The following TCF12 variants were observed in gnomAD, a reference collection of about 807,000 sequenced individuals.
The protein encoded by TCF12 is transcription factor 12, also known as DNA-binding protein HTF4.
TCF12 carries 45 observed loss-of-function variants against 86.0 expected under a neutral mutation model. The ratio of observed to expected loss-of-function variants is 0.52; its 90% CI spans 0.41 to 0.67. The LOEUF is 0.67. Ranked by LOEUF, TCF12 falls within the 30% of genes least tolerant of loss-of-function variation. TCF12 has a pLI of 0.00. For missense variants in TCF12, 881 were observed against 859.9 expected, an observed-to-expected ratio of 1.02 and a Z score of -0.31; for synonymous variants, 330 against 299.6, an observed-to-expected ratio of 1.10 and a Z score of -1.05.
chr15:57,211,720 G>A (rs978700730), intron 8 of TCF12, among the ~76,000 whole-genome samples: 5 of 152,168 alleles, frequency 3.3e-5, no homozygotes, highest in African/African-American at 9.7e-5. Context: ...TTGGGAAGTC[G>A]AGGCTGGCAG....
intron 5 of TCF12, among the ~76,000 whole-genome samples, chr15:57,124,094 T>C (rs1475196327): frequency 6.6e-6 from 1 of 151,752 alleles, no homozygotes; most frequent in African/African-American, 2.4e-5. Flanking sequence ...GGATTATAGA[T>C]GTGAGCCACT....
intron 3 of TCF12, among the ~76,000 whole-genome samples, chr15:57,018,520 T>C (rs979928361): frequency 1.3e-5 from 2 of 152,046 alleles, no homozygotes; most frequent in Non-Finnish European, 2.9e-5. Flanking sequence ...TGGAGTGCAG[T>C]GGCAAGATCT....
chr15:57,052,385 C>G (rs1596309074), intron 3 of TCF12, among the ~76,000 whole-genome samples: 1 of 152,124 alleles, frequency 6.6e-6, no homozygotes, highest in Non-Finnish European at 1.5e-5. Flanking sequence ...TGGTGGCAGT[C>G]TCAGCACTTT....
chr15:57,109,621 AT>A (rs2050357022), intron 5 of TCF12, among the ~76,000 whole-genome samples: 4 of 152,146 alleles, frequency 2.6e-5, no homozygotes, highest in Non-Finnish European at 5.9e-5. Context: ...AGTTCAGATT[AT>A]TTATCTTAAC....
In TCF12 at chr15:57,166,411, CAG is replaced by C. The variant is rs750864186; in HGVS notation, c.342_343del (p.Gly115LeufsTer17). ...TTTCTTTGTTTTATAGGAAAAACAT[CAG>C]AGAGAGGCTCATTTTCCCTGTACAG... On this transcript the variant is annotated frameshift_variant, in exon 6 of 21. Transcript: ENST00000333725. LOFTEE classifies it high-confidence loss of function. The C allele has an allele frequency of 1.2e-6, 2 of 1,611,374 alleles. No individual in the cohort carries two copies. Among genetic ancestry groups the C allele is most frequent in the Non-Finnish European group, 1.7e-6 (2 of 1,178,926 alleles).
chr15:56,959,736 A>G (rs895924283), intron 3 of TCF12, among the ~76,000 whole-genome samples: 31 of 152,326 alleles, frequency 2.0e-4, no homozygotes, highest in African/African-American at 7.5e-4. Context: ...ACATTCGGAT[A>G]TCAAATGCTT....
intron 3 of TCF12, among the ~76,000 whole-genome samples, chr15:56,926,155 T>A (rs1017414610): frequency 1.3e-5 from 2 of 152,038 alleles, no homozygotes; most frequent in Non-Finnish European, 2.9e-5. Flanking sequence ...CTACCAAAAA[T>A]ACACAGAATT....
chr15:57,203,318 T>C (rs2057648775), intron 8 of TCF12, among the ~76,000 whole-genome samples: 1 of 152,238 alleles, frequency 6.6e-6, no homozygotes, highest in African/African-American at 2.4e-5. Flanking sequence ...GAAGCATTTC[T>C]CAGATGCAGA....
At chr15:57,023,347 T>A (rs1222881729) in intron 3 of TCF12, among the ~76,000 whole-genome samples, 1 of 152,194 alleles carries the variant, frequency 6.6e-6, no homozygotes, top group African/African-American at 2.4e-5. Context: ...GGAAGTGGTA[T>A]TTTCAGTTTT....
Position 57,187,143 on chromosome 15 carries a change from C to T in TCF12, c.391-5015C>T, listed in dbSNP as rs950178160. 4.0e-5 allele frequency among the ~76,000 whole-genome samples: 6 copies of T among 150,442 alleles called. No individual in the cohort carries two copies. In the Admixed American group the frequency reaches 4.0e-4, roughly 10 times the overall value. On this transcript the variant is annotated intron_variant, in intron 6 of 20. Transcript: ENST00000333725. ...GCAGTGACCCGAGATGATACCACTG[C>T]ACTCCAGCCTGAGTGAGAGTAAGAC... is the stretch of plus-strand genomic sequence containing the variant.
intron 8 of TCF12, among the ~76,000 whole-genome samples, chr15:57,204,451 T>G (rs1290656685): frequency 6.6e-6 from 1 of 151,752 alleles, no homozygotes; most frequent in Non-Finnish European, 1.5e-5. Context: ...GCCAAGACTC[T>G]GTCTCAAAAA....
intron 4 of TCF12, among the ~76,000 whole-genome samples, chr15:57,086,020 A>G (rs1349995069): frequency 6.6e-6 from 1 of 152,036 alleles, no homozygotes; most frequent in Non-Finnish European, 1.5e-5. Flanking sequence ...CATTTATAAT[A>G]TCTAAAACTC....
rs529580068 is a variant in TCF12, at chr15:57,119,736, G to T, written c.325+27845G>T. ...GAATCACAATATCACTGATTTAGCA[G>T]ATCCTTGGTAAATATTCGTCATGTG... On this transcript the variant is annotated intron_variant, in intron 5 of 20. Coordinates refer to ENST00000333725, the MANE Select transcript of TCF12 (RefSeq NM_207037.2). Among the ~76,000 whole-genome samples, 9 of 152,158 alleles carry T rather than the reference G, an allele frequency of 5.9e-5. No homozygotes were observed. In the South Asian group the frequency reaches 1.9e-3, roughly 32 times the overall value.
rs75842476 is a variant in TCF12, at chr15:57,233,819, G to A, written c.971-224G>A. 0.012 allele frequency among the ~76,000 whole-genome samples: 1,753 copies of A among 152,258 alleles called. 30 individuals are homozygous for A. The highest frequency in any genetic ancestry group is 0.039 in the African/African-American group (1,637 of 41,560). On this transcript the variant is annotated intron_variant, in intron 11 of 20. Coordinates refer to ENST00000333725, the MANE Select transcript of TCF12 (RefSeq NM_207037.2). ...ATATTTTTTAGTGTTGAATTTAAAA[G>A]TGAAAGACAGGAAGACAAGAAGCTT...
chr15:56,972,830 A>G (rs115771783), intron 3 of TCF12, among the ~76,000 whole-genome samples: 1,771 of 152,318 alleles, frequency 0.012, 32 homozygotes, highest in African/African-American at 0.04. Flanking sequence ...TCAAATGAGT[A>G]ACATAGTTAT....
intron 5 of TCF12, among the ~76,000 whole-genome samples, chr15:57,151,151 T>TC (rs2053728291): frequency 6.7e-6 from 1 of 149,660 alleles, no homozygotes; most frequent in South Asian, 2.1e-4. Flanking sequence ...ATTTTTTTTT[T>TC]TTTTTTTTTT....
intron 20 of TCF12, 49 bp downstream of exon 20, chr15:57,282,647 A>G: frequency 6.4e-7 from 1 of 1,573,268 alleles, no homozygotes; most frequent in East Asian, 2.2e-5. Context: ...CTTAAGATTC[A>G]TCTTAAACTG....
At chr15:57,027,608 G>C (rs2065899153) in intron 3 of TCF12, among the ~76,000 whole-genome samples, 1 of 151,964 alleles carries the variant, frequency 6.6e-6, no homozygotes, top group African/African-American at 2.4e-5. Context: ...TTAACTGTAT[G>C]GTTAATACTC....
At chr15:57,064,795 C>CAA (rs1177544594) in intron 4 of TCF12, among the ~76,000 whole-genome samples, 2,396 of 77,782 alleles carry the variant, frequency 0.031, 220 homozygotes, top group East Asian at 0.29. Context: ...GACTCCATCT[C>CAA]AAAAAAAAAA....
Sources: allele counts gnomAD v4.1 joint callset (sites outside exome capture counted in the v4.1 genomes callset), GRCh38; gene constraint gnomAD v4.1.1; transcripts MANE v1.5; gene names NCBI Gene and HGNC (gene_info 2026-07-23, HGNC 2026-07-21).